Variants in HS3ST4 observed in about 807,000 individuals in gnomAD.
HS3ST4 encodes the protein heparan sulfate-glucosamine 3-sulfotransferase 4.
HS3ST4 carries 17 observed loss-of-function variants against 29.2 expected under a neutral mutation model. That is an observed-to-expected ratio of 0.58 (90% confidence interval 0.40 to 0.87). The LOEUF is 0.87. Among genes scored for constraint, HS3ST4 ranks in the 40% least tolerant of loss-of-function variants. The probability of loss-of-function intolerance (pLI) is 0.00; values close to 1 mark genes in which losing one functional copy is unlikely to be tolerated. For synonymous variants in HS3ST4, 314 were observed against 285.7 expected (o/e 1.10, Z -1.00); for missense variants, 627 against 634.5 (o/e 0.99, Z 0.13).
intron 1 of HS3ST4, among the ~76,000 whole-genome samples, chr16:25,870,230 CCTAT>C (rs1217122364): frequency 3.3e-5 from 5 of 152,044 alleles, no homozygotes; most frequent in African/African-American, 1.2e-4. Flanking sequence ...CCATCTATCC[CCTAT>C]CTATCCATCC....
chr16:26,042,326 A>C (rs1476736405), intron 1 of HS3ST4, among the ~76,000 whole-genome samples: 1 of 152,004 alleles, frequency 6.6e-6, no homozygotes, highest in Non-Finnish European at 1.5e-5. Flanking sequence ...AACCACCTAC[A>C]TAATAAAACT....
In HS3ST4 at chr16:26,130,748, A is replaced by T. The variant is rs560347007; in HGVS notation, c.735-4864A>T. Among the ~76,000 whole-genome samples the T allele has an allele frequency of 1.3e-4, 20 of 152,338 alleles. No individual in the cohort carries two copies. The South Asian group carries it at 4.2e-3, about 32-fold the overall frequency. On this transcript the variant is annotated intron_variant, in intron 1 of 1. Transcript: ENST00000331351. Reference sequence around the variant, plus strand: ...AGAACTCCCAGCATAGGCAGAGGACAGTCGTGTCTTCTTCTAACAAAGGTA... The same window carrying T: ...AGAACTCCCAGCATAGGCAGAGGACTGTCGTGTCTTCTTCTAACAAAGGTA...
intron 1 of HS3ST4, among the ~76,000 whole-genome samples, chr16:25,943,560 T>TA (rs915595710): frequency 2.0e-5 from 3 of 151,398 alleles, no homozygotes; most frequent in Admixed American, 6.6e-5. Context: ...TACTTATGTT[T>TA]AAAAAAAAAT....
intron 1 of HS3ST4, among the ~76,000 whole-genome samples, chr16:26,033,007 T>C (rs1969546415): frequency 6.6e-6 from 1 of 152,148 alleles, no homozygotes; most frequent in South Asian, 2.1e-4. Flanking sequence ...CAGGCATTTC[T>C]TTACATCCAT....
chr16:25,762,746 G>A (rs928014555), intron 1 of HS3ST4, among the ~76,000 whole-genome samples: 2 of 151,546 alleles, frequency 1.3e-5, no homozygotes, highest in South Asian at 2.1e-4. Flanking sequence ...ACCACCCGAC[G>A]TGTACCTCTA....
chr16:25,838,354 C>G (rs939716404), intron 1 of HS3ST4, among the ~76,000 whole-genome samples: 3 of 152,168 alleles, frequency 2.0e-5, no homozygotes, highest in African/African-American at 7.2e-5. Context: ...CTCTCTCTCT[C>G]TTTCATTCAG....
intron 1 of HS3ST4, among the ~76,000 whole-genome samples, chr16:25,999,714 G>A (rs866774306): frequency 4.2e-5 from 6 of 143,588 alleles, no homozygotes; most frequent in Admixed American, 1.4e-4. Flanking sequence ...AATTCACATT[G>A]TACTTTCTAT....
intron 1 of HS3ST4, among the ~76,000 whole-genome samples, chr16:25,791,035 G>T (rs558112172): frequency 6.6e-6 from 1 of 151,830 alleles, no homozygotes; most frequent in Non-Finnish European, 1.5e-5. Flanking sequence ...TTCAAACAGA[G>T]CTCCAATTTA....
intron 1 of HS3ST4, among the ~76,000 whole-genome samples, chr16:25,783,647 AT>A (rs988760684): frequency 3.9e-5 from 6 of 151,900 alleles, no homozygotes; most frequent in Admixed American, 3.3e-4. Flanking sequence ...GCTGAGGTTA[AT>A]TTTTTTTACA....
At chr16:25,953,223 G>A (rs1041012949) in intron 1 of HS3ST4, among the ~76,000 whole-genome samples, 1 of 152,170 alleles carries the variant, frequency 6.6e-6, no homozygotes, top group Non-Finnish European at 1.5e-5. Context: ...GCACCAAGGT[G>A]TGATGGCTTC....
At chr16:25,769,658 A>AT (rs530457064) in intron 1 of HS3ST4, among the ~76,000 whole-genome samples, 7 of 152,250 alleles carry the variant, frequency 4.6e-5, no homozygotes, top group Non-Finnish European at 2.9e-5. Flanking sequence ...CTTTCTATTG[A>AT]TTTTTTAATA....
intron 1 of HS3ST4, among the ~76,000 whole-genome samples, chr16:25,828,310 C>G (rs9944339): frequency 1.1e-5 from 1 of 88,754 alleles, no homozygotes; most frequent in African/African-American, 5.0e-5. Context: ...CCCTCTCTCT[C>G]TCTCTCTCTC....
chr16:25,809,814 T>A (rs1967024254), intron 1 of HS3ST4, among the ~76,000 whole-genome samples: 2 of 152,188 alleles, frequency 1.3e-5, no homozygotes, highest in Non-Finnish European at 2.9e-5. Flanking sequence ...TTTTTAATGA[T>A]CCCAGGACCT....
intron 1 of HS3ST4, among the ~76,000 whole-genome samples, chr16:25,983,638 T>G (rs978374139): frequency 2.6e-5 from 4 of 152,240 alleles, no homozygotes; most frequent in African/African-American, 7.2e-5. Flanking sequence ...GATTCAACTG[T>G]GTCTTACTCA....
chr16:25,966,155 T>A (rs915843583), intron 1 of HS3ST4, among the ~76,000 whole-genome samples: 10 of 152,174 alleles, frequency 6.6e-5, no homozygotes, highest in African/African-American at 2.2e-4. Flanking sequence ...TTCACAGGTG[T>A]AGCAACTGAG....
chr16:25,817,102 C>T lies in HS3ST4; in HGVS notation c.734+123951C>T, dbSNP rs140881687. On this transcript the variant is annotated intron_variant, in intron 1 of 1. Transcript: ENST00000331351. ...TGCATTTCAAAGCTGCAGTTTGAGT[C>T]TTAGCTCTTCCCTTTACTAGCTGCA... 1.2e-4 allele frequency among the ~76,000 whole-genome samples: 18 copies of T among 152,332 alleles called. No homozygotes were observed. In the East Asian group the frequency reaches 3.5e-3, roughly 29 times the overall value.
At chr16:25,699,227 C>T (rs1596546948) in intron 1 of HS3ST4, among the ~76,000 whole-genome samples, 2 of 152,298 alleles carry the variant, frequency 1.3e-5, no homozygotes, top group East Asian at 3.9e-4. Context: ...TGGCCAGAAT[C>T]GTGGCTTACA....
In HS3ST4 at chr16:26,014,158, T is replaced by C. The variant is rs189573616; in HGVS notation, c.735-121454T>C. ...TCTCATCTGAAATAATATGAAATAG[T>C]GGCATGATTGTTGTCTGTCTATCCT... is the stretch of plus-strand genomic sequence containing the variant. On this transcript the variant is annotated intron_variant, in intron 1 of 1. Coordinates refer to ENST00000331351, the MANE Select transcript of HS3ST4 (RefSeq NM_006040.3). Among the ~76,000 whole-genome samples the C allele has an allele frequency of 9.8e-4, 150 of 152,286 alleles. 1 individual carries two copies. Among genetic ancestry groups the C allele is most frequent in the Non-Finnish European group, 5.7e-4 (39 of 68,018 alleles).
chr16:26,035,935 C>T (rs1488511447), intron 1 of HS3ST4, among the ~76,000 whole-genome samples: 2 of 152,208 alleles, frequency 1.3e-5, no homozygotes, highest in African/African-American at 4.8e-5. Flanking sequence ...AGTCCTTTCT[C>T]AAAGCCAAAT....
Sources: allele counts gnomAD v4.1 joint callset (sites outside exome capture counted in the v4.1 genomes callset), GRCh38; gene constraint gnomAD v4.1.1; transcripts MANE v1.5; gene names NCBI Gene and HGNC (gene_info 2026-07-23, HGNC 2026-07-21).